Variants in SMC1B observed in about 807,000 individuals in gnomAD.
The protein encoded by SMC1B is structural maintenance of chromosomes protein 1B.
Under a neutral mutation model 157.9 loss-of-function variants are expected in SMC1B, and 60 were observed. The ratio of observed to expected loss-of-function variants is 0.38; its 90% confidence interval spans 0.31 to 0.47. SMC1B has a LOEUF of 0.47. Ranked by LOEUF, SMC1B falls within the 20% of genes least tolerant of loss-of-function variation. The pLI is 0.99. For synonymous variants in SMC1B, 445 were observed against 483.0 expected (o/e 0.92, Z 1.03); for missense variants, 1,165 against 1,426.2 (o/e 0.82, Z 2.95).
At chr22:45,370,126 G>GT (rs1255012487) in intron 14 of SMC1B, 66 bp from the exon 15 acceptor site, 1 of 932,770 alleles carries the variant, frequency 1.1e-6, no homozygotes, top group Non-Finnish European at 1.5e-6. Context: ...TCTTAAATAT[G>GT]TTTTTCCCTC....
At position 45,344,295 on chromosome 22, in the gene SMC1B, A is replaced by T. The variant is rs1043425640; in HGVS notation, c.*261T>A. On this transcript the variant is annotated 3_prime_UTR_variant, in exon 25 of 25. Transcript: ENST00000357450. Reference sequence around the variant, plus strand: ...AGCTTATTTCAAAATAGAAGTTAGAATTATAGTACAAAATTGTACCTTTTG... The same window carrying T: ...AGCTTATTTCAAAATAGAAGTTAGATTTATAGTACAAAATTGTACCTTTTG... The T allele has an allele frequency of 4.0e-6, 1 of 248,940 alleles. No individual in the cohort carries two copies. Among genetic ancestry groups the T allele is most frequent in the African/African-American group, 2.2e-5 (1 of 44,950 alleles). The allele number at this position is 248,940 out of a possible 1,614,324, so 15.4% of individuals were successfully genotyped here.
At chr22:45,373,577 G>A (rs1206788771) in intron 12 of SMC1B, among the ~76,000 whole-genome samples, 1 of 152,214 alleles carries the variant, frequency 6.6e-6, no homozygotes, top group East Asian at 1.9e-4. Context: ...CAGGCAGTAA[G>A]GTTTGTTTTG....
chr22:45,411,938 GCA>G (rs1203197387), intron 1 of SMC1B, among the ~76,000 whole-genome samples: 1 of 152,022 alleles, frequency 6.6e-6, no homozygotes, highest in Non-Finnish European at 1.5e-5. Flanking sequence ...GAATGCAGTG[GCA>G]CAGTCTTGGC....
chr22:45,363,479 G>A (rs2086741201), intron 15 of SMC1B, among the ~76,000 whole-genome samples: 1 of 152,182 alleles, frequency 6.6e-6, no homozygotes, highest in Admixed American at 6.5e-5. Flanking sequence ...TCAGGAGTTC[G>A]AGACCAGCCT....
rs759906049 is a variant in SMC1B at position 45,362,133 on chromosome 22, C to T, written c.2563-149G>A. On this transcript the variant is annotated intron_variant, in intron 16 of 24. Coordinates refer to ENST00000357450, the MANE Select transcript of SMC1B (RefSeq NM_148674.5). The stretch of plus-strand genomic sequence containing the variant: ...TGACCTTCCATCGTGGACTGTGACT[C>T]ACGTTCTACACTTTTTAGAAACTGG... The T allele has an allele frequency of 2.0e-5, 14 of 688,264 alleles. 1 individual carries two copies. The highest frequency in any genetic ancestry group is 7.6e-4 in the Middle Eastern group (2 of 2,642). The allele number at this position is 688,264 out of a possible 1,614,324, so 42.6% of individuals were successfully genotyped here. A position where few individuals can be genotyped will look rare whatever the true frequency, so the allele number is the denominator to read the frequency against.
intron 2 of SMC1B, among the ~76,000 whole-genome samples, chr22:45,408,409 G>A (rs139614546): frequency 1.3e-5 from 2 of 152,316 alleles, no homozygotes; most frequent in Middle Eastern, 3.4e-3. Flanking sequence ...ACAGGCGTGA[G>A]CCACCATACC....
chr22:45,372,203 T>G lies in SMC1B; in HGVS notation c.2148A>C (p.Gln716His), dbSNP rs200323510. ...QGTQTRLKYSQNELEMIKKKH... is the reference protein window; with the variant it reads ...QGTQTRLKYSHNELEMIKKKH... ...TCTTCTTAATCATCTCTAGTTCATT[T>G]TGTGAATATTTGAGTCGTGTTTGAG... is the stretch of plus-strand genomic sequence containing the variant. The change falls in exon 13 of 25, where the codon CAA (glutamine) becomes CAC (histidine). Residue 716 changes from glutamine (Q) to histidine (H), a missense_variant. Physicochemically the swap from Gln to His is conservative, Grantham distance 24. Transcript: ENST00000357450. 4.3e-6 allele frequency: 7 copies of G among 1,612,556 alleles called. No individual in the cohort carries two copies. The highest frequency in any genetic ancestry group is 1.1e-5 in the South Asian group (1 of 90,686).
At chr22:45,382,645 A>AG (rs11444394) in intron 12 of SMC1B, among the ~76,000 whole-genome samples, 134,405 of 149,800 alleles carry the variant, frequency 0.9, 59,506 homozygotes, top group African/African-American at 0.95. Flanking sequence ...CTGACTAAAA[A>AG]TCAAATGAAA....
chr22:45,349,922 G>T, intron 22 of SMC1B, 125 bp from the exon 23 acceptor site: 7 of 742,946 alleles, frequency 9.4e-6, no homozygotes, highest in Non-Finnish European at 1.5e-5. Context: ...TAAGTAATCG[G>T]TGACCTCTAT....
intron 1 of SMC1B, among the ~76,000 whole-genome samples, chr22:45,410,153 A>T (rs2087314993): frequency 6.6e-6 from 1 of 152,146 alleles, no homozygotes; most frequent in South Asian, 2.1e-4. Flanking sequence ...CCCTTTGCTG[A>T]GTTCGCTTTG....
chr22:45,369,224 G>A (rs1478042191), intron 15 of SMC1B, among the ~76,000 whole-genome samples: 1 of 151,956 alleles, frequency 6.6e-6, no homozygotes, highest in Non-Finnish European at 1.5e-5. Flanking sequence ...AGCCTTCCGA[G>A]TAGCTGGGAC....
At chr22:45,403,450 C>CTGTT (rs34642361) in intron 4 of SMC1B, among the ~76,000 whole-genome samples, 68,912 of 151,102 alleles carry the variant, frequency 0.46, 17,923 homozygotes, top group African/African-American at 0.72. Context: ...ATCCCTGATC[C>CTGTT]TGTTTGTTTG....
At chr22:45,405,299 G>C (rs879889008) in intron 4 of SMC1B, among the ~76,000 whole-genome samples, 7 of 152,084 alleles carry the variant, frequency 4.6e-5, no homozygotes, top group Non-Finnish European at 8.8e-5. Flanking sequence ...GGTGGCTCAC[G>C]CCTGTAATCC....
chr22:45,347,548 C>G (rs1039991285), intron 23 of SMC1B, among the ~76,000 whole-genome samples: 4 of 152,122 alleles, frequency 2.6e-5, no homozygotes, highest in Non-Finnish European at 4.4e-5. Flanking sequence ...CATCTCTCAG[C>G]CACGGGCTCC....
chr22:45,409,660 G>A (rs1230171569), intron 1 of SMC1B, among the ~76,000 whole-genome samples: 1 of 152,116 alleles, frequency 6.6e-6, no homozygotes, highest in South Asian at 2.1e-4. Context: ...GATTAAAATT[G>A]TTTGATTGGT....
chr22:45,390,324 T>G (rs2087042448), intron 9 of SMC1B, among the ~76,000 whole-genome samples: 1 of 152,014 alleles, frequency 6.6e-6, no homozygotes, highest in Non-Finnish European at 1.5e-5. Flanking sequence ...AAATAATCAA[T>G]AATCACATGT....
intron 18 of SMC1B, 129 bp from the exon 19 acceptor site, chr22:45,358,924 C>A: frequency 4.1e-6 from 2 of 492,858 alleles, no homozygotes; most frequent in Non-Finnish European, 7.2e-6. Flanking sequence ...CCTTAACAGA[C>A]ATATAATAAT....
intron 1 of SMC1B, among the ~76,000 whole-genome samples, chr22:45,412,040 A>C (rs2087342477): frequency 6.7e-6 from 1 of 149,404 alleles, no homozygotes; most frequent in Non-Finnish European, 1.5e-5. Context: ...CACCACCCCC[A>C]GCTAATTTTT....
intron 10 of SMC1B, 79 bp downstream of exon 10, chr22:45,389,633 A>G: frequency 7.7e-7 from 1 of 1,294,960 alleles, no homozygotes; most frequent in Non-Finnish European, 1.1e-6. Flanking sequence ...TATCACTATC[A>G]TAGTTTTAGG....
Sources: gnomAD v4.1 joint callset for allele counts (sites outside exome capture counted in the v4.1 genomes callset) on GRCh38, gnomAD v4.1.1 for gene constraint, MANE v1.5 for transcripts, NCBI Gene and HGNC (gene_info 2026-07-23, HGNC 2026-07-21) for gene names.